The following NKAIN3 variants were observed in gnomAD, a reference collection of about 807,000 sequenced individuals.
NKAIN3 encodes sodium/potassium transporting ATPase interacting 3.
In NKAIN3, 25 loss-of-function variants were observed where a neutral mutation model predicts 30.2. That is an observed-to-expected ratio of 0.83 (90% CI 0.60 to 1.16). NKAIN3 has a LOEUF of 1.16. Among genes scored for constraint, NKAIN3 ranks in the 50% most tolerant of loss-of-function variants. The probability of loss-of-function intolerance (pLI) is 0.00; values close to 1 mark genes in which losing one functional copy is unlikely to be tolerated. For synonymous variants in NKAIN3, 91 were observed against 89.6 expected (o/e 1.02, Z -0.09); for missense variants, 225 against 254.1 (o/e 0.89, Z 0.78).
intron 3 of NKAIN3, among the ~76,000 whole-genome samples, chr8:62,726,899 G>A (rs1025012963): frequency 5.9e-5 from 9 of 151,976 alleles, no homozygotes; most frequent in African/African-American, 1.7e-4. Context: ...AAAATGACAA[G>A]AACAGGAAAC....
At chr8:62,848,831 T>G (rs1410222568) in intron 4 of NKAIN3, among the ~76,000 whole-genome samples, 3 of 152,160 alleles carry the variant, frequency 2.0e-5, no homozygotes, top group African/African-American at 7.2e-5. Flanking sequence ...TTTTGAGGTA[T>G]GTACCTTCAA....
In NKAIN3 at chr8:62,747,737, A is replaced by G. The variant is rs904244806; in HGVS notation, c.471+608A>G. On this transcript the variant is annotated intron_variant, in intron 4 of 6. Transcript: ENST00000623646. The stretch of plus-strand genomic sequence containing the variant: ...CTGCCCCACTCACAGTTTGACCACA[A>G]TGAAGAGTGGAATTAATTTAAGGAT... 3.9e-5 allele frequency among the ~76,000 whole-genome samples: 6 copies of G among 152,194 alleles called. No homozygotes were observed. In the South Asian group the frequency reaches 8.3e-4, roughly 21 times the overall value.
chr8:62,316,270 T>G (rs946879863), intron 1 of NKAIN3, among the ~76,000 whole-genome samples: 1 of 152,042 alleles, frequency 6.6e-6, no homozygotes, highest in Non-Finnish European at 1.5e-5. Flanking sequence ...AAATGCTCAT[T>G]GTAGCATTTT....
chr8:62,699,059 C>T (rs1259976729), intron 3 of NKAIN3, among the ~76,000 whole-genome samples: 1 of 152,130 alleles, frequency 6.6e-6, no homozygotes, highest in Admixed American at 6.5e-5. Flanking sequence ...TTCGGATATG[C>T]TGTTGTCATT....
intron 1 of NKAIN3, among the ~76,000 whole-genome samples, chr8:62,420,430 G>A (rs943335032): frequency 4.6e-5 from 7 of 152,018 alleles, no homozygotes; most frequent in South Asian, 2.1e-4. Context: ...TGGTATTTCC[G>A]TGTTACACAT....
At chr8:62,395,058 C>A (rs1290175924) in intron 1 of NKAIN3, among the ~76,000 whole-genome samples, 2 of 147,876 alleles carry the variant, frequency 1.4e-5, no homozygotes, top group African/African-American at 5.0e-5. Context: ...ACTTCCCAGA[C>A]GGTGGGTCGG....
chr8:62,603,419 G>T (rs1228818040), intron 3 of NKAIN3, among the ~76,000 whole-genome samples: 3 of 152,164 alleles, frequency 2.0e-5, no homozygotes, highest in Admixed American at 6.5e-5. Context: ...GAAGTGCCCT[G>T]CAGGAGCAGA....
At chr8:62,744,832 TTTA>T (rs1214498421) in intron 3 of NKAIN3, among the ~76,000 whole-genome samples, 1 of 152,228 alleles carries the variant, frequency 6.6e-6, no homozygotes, top group Non-Finnish European at 1.5e-5. Flanking sequence ...ACCTAAACGT[TTTA>T]TTATCAATAA....
chr8:62,301,443 T>C (rs7829743), intron 1 of NKAIN3, among the ~76,000 whole-genome samples: 34,504 of 151,984 alleles, frequency 0.23, 4,301 homozygotes, highest in South Asian at 0.27. Context: ...AGAAGTAAGA[T>C]ACAAAACAAC....
At chr8:62,495,782 A>G (rs1807219612) in intron 1 of NKAIN3, among the ~76,000 whole-genome samples, 1 of 152,106 alleles carries the variant, frequency 6.6e-6, no homozygotes, top group South Asian at 2.1e-4. Context: ...CTGAGTCCTA[A>G]CTTTTGGATA....
intron 4 of NKAIN3, among the ~76,000 whole-genome samples, chr8:62,769,156 A>G (rs1157510736): frequency 6.6e-6 from 1 of 152,210 alleles, no homozygotes; most frequent in African/African-American, 2.4e-5. Flanking sequence ...GTGATCAAAC[A>G]AAAGTTTTTT....
intron 3 of NKAIN3, among the ~76,000 whole-genome samples, chr8:62,718,241 C>A (rs1279137849): frequency 6.6e-6 from 1 of 152,108 alleles, no homozygotes; most frequent in Non-Finnish European, 1.5e-5. Context: ...GGGGCACAGC[C>A]AAACCATATC....
intron 3 of NKAIN3, among the ~76,000 whole-genome samples, chr8:62,688,531 G>A (rs973080917): frequency 1.3e-5 from 2 of 151,942 alleles, no homozygotes; most frequent in African/African-American, 4.8e-5. Context: ...CCAAATCCTG[G>A]AATAAACCCT....
intron 1 of NKAIN3, among the ~76,000 whole-genome samples, chr8:62,520,979 G>A (rs533833341): frequency 1.1e-4 from 17 of 151,452 alleles, no homozygotes; most frequent in East Asian, 2.0e-4. Flanking sequence ...CATAAGAATC[G>A]TTAGAGGGGC....
chr8:62,873,221 A>G (rs190017801), intron 4 of NKAIN3, among the ~76,000 whole-genome samples: 1 of 152,258 alleles, frequency 6.6e-6, no homozygotes, highest in Non-Finnish European at 1.5e-5. Context: ...TAAATCAACA[A>G]AGAACAAAAA....
intron 1 of NKAIN3, among the ~76,000 whole-genome samples, chr8:62,281,487 T>G (rs1008317561): frequency 2.0e-5 from 3 of 152,218 alleles, no homozygotes; most frequent in Non-Finnish European, 4.4e-5. Flanking sequence ...ATTTTAGATC[T>G]TTCCTGCTTT....
At chr8:62,837,933 T>C (rs1819418061) in intron 4 of NKAIN3, among the ~76,000 whole-genome samples, 1 of 152,154 alleles carries the variant, frequency 6.6e-6, no homozygotes, top group East Asian at 1.9e-4. Context: ...TGAAATTGCA[T>C]TAGTTGTATA....
intron 1 of NKAIN3, among the ~76,000 whole-genome samples, chr8:62,458,362 G>T (rs914796710): frequency 6.6e-6 from 1 of 152,156 alleles, no homozygotes; most frequent in African/African-American, 2.4e-5. Flanking sequence ...ACAAGAAAGT[G>T]GTAAGGCATT....
intron 4 of NKAIN3, chr8:62,863,917 G>A: frequency 8.2e-7 from 1 of 1,226,060 alleles, no homozygotes; most frequent in Non-Finnish European, 1.2e-6. Context: ...CTCCTCCTTT[G>A]GCTCTGGTGG....
Sources: allele counts gnomAD v4.1 joint callset (sites outside exome capture counted in the v4.1 genomes callset), GRCh38; gene constraint gnomAD v4.1.1; transcripts MANE v1.5; gene names NCBI Gene and HGNC (gene_info 2026-07-23, HGNC 2026-07-21).